Variants in MYT1L observed in about 807,000 individuals in gnomAD.
MYT1L encodes myelin transcription factor 1 like.
Under a neutral mutation model 126.7 loss-of-function variants are expected in MYT1L, and 12 were observed. The ratio of observed to expected loss-of-function variants is 0.09; its 90% CI spans 0.06 to 0.15. The LOEUF is 0.15. MYT1L is among the 10% of genes least tolerant of loss of function. MYT1L has a pLI of 1.00. For missense variants in MYT1L, 979 were observed against 1,585.2 expected (o/e 0.62, Z 6.49); for synonymous variants, 541 against 604.2 (o/e 0.90, Z 1.53).
chr2:1,833,974 C>T (rs892478645), intron 21 of MYT1L, among the ~76,000 whole-genome samples: 12 of 152,194 alleles, frequency 7.9e-5, no homozygotes, highest in Non-Finnish European at 1.3e-4. Context: ...GTCTGAGACC[C>T]GGGGCCGGGA....
At chr2:1,891,124 T>C (rs2048821242) in intron 15 of MYT1L, among the ~76,000 whole-genome samples, 2 of 151,436 alleles carry the variant, frequency 1.3e-5, no homozygotes, top group Admixed American at 6.5e-5. Flanking sequence ...GGACTAAATA[T>C]ACTGATAGAA....
chr2:2,064,068 G>T (rs913947067), intron 3 of MYT1L, among the ~76,000 whole-genome samples: 1 of 152,162 alleles, frequency 6.6e-6, no homozygotes, highest in Non-Finnish European at 1.5e-5. Context: ...TAGACACACA[G>T]GTCAGTTTGT....
chr2:1,812,983 G>A (rs1009238401), intron 21 of MYT1L, among the ~76,000 whole-genome samples: 6 of 152,038 alleles, frequency 3.9e-5, no homozygotes, highest in African/African-American at 1.4e-4. Flanking sequence ...GACTGTGACT[G>A]TAGGACAAGG....
chr2:1,958,764 G>A (rs115665797), intron 8 of MYT1L, among the ~76,000 whole-genome samples: 2,524 of 149,880 alleles, frequency 0.017, 65 homozygotes, highest in African/African-American at 0.058. Context: ...AACTGCAGAG[G>A]CCCCTTCTTC....
intron 21 of MYT1L, among the ~76,000 whole-genome samples, chr2:1,831,977 T>C (rs1360842286): frequency 1.3e-5 from 2 of 152,100 alleles, no homozygotes; most frequent in African/African-American, 4.8e-5. Flanking sequence ...TTGGTGGATA[T>C]TCCCCCTTCA....
chr2:1,867,424 G>A (rs1274868737), intron 18 of MYT1L, among the ~76,000 whole-genome samples: 1 of 152,144 alleles, frequency 6.6e-6, no homozygotes, highest in Non-Finnish European at 1.5e-5. Context: ...GTCCCTGGAG[G>A]TTGGGTTCAG....
rs1424917622 is a variant in MYT1L at position 2,286,966 on chromosome 2, CACACACAGACAA to C, written c.-520-2475_-520-2464del. ...AGGGAGACACAGATACACACAGACA[CACACACAGACAA>C]ACACACACACAGATTTCATCTAAAA... On this transcript the variant is annotated intron_variant, in intron 1 of 24. Transcript: ENST00000647738. Among the ~76,000 whole-genome samples, 5 of 152,176 alleles carry C rather than the reference CACACACAGACAA, an allele frequency of 3.3e-5. No individual in the cohort carries two copies. In the East Asian group the frequency reaches 9.6e-4, roughly 29 times the overall value.
chr2:1,872,535 T>C (rs1311909641), intron 18 of MYT1L, among the ~76,000 whole-genome samples: 3 of 152,244 alleles, frequency 2.0e-5, no homozygotes, highest in Non-Finnish European at 4.4e-5. Flanking sequence ...AATTGTACCA[T>C]ATTAGAATAA....
Position 1,930,570 on chromosome 2 carries a change from G to A in MYT1L, c.506-7307C>T, listed in dbSNP as rs943814639. ...CACACACGCCTTGCCCAGGTCCTGCGGGCAGAAGCGTCGGGGCTGCTGGGC... is the reference window on the plus strand; with the variant it reads ...CACACACGCCTTGCCCAGGTCCTGCAGGCAGAAGCGTCGGGGCTGCTGGGC... On this transcript the variant is annotated intron_variant, in intron 9 of 24. Transcript: ENST00000647738. Among the ~76,000 whole-genome samples the A allele has an allele frequency of 2.8e-4, 42 of 152,296 alleles. 1 individual carries two copies. The highest frequency in any genetic ancestry group is 2.3e-3 in the Admixed American group (35 of 15,296).
intron 4 of MYT1L, among the ~76,000 whole-genome samples, chr2:2,000,093 T>C (rs1367455815): frequency 6.6e-6 from 1 of 152,224 alleles, no homozygotes; most frequent in African/African-American, 2.4e-5. Context: ...AAGGTGGCTG[T>C]GCATGACTCC....
At chr2:2,130,900 A>G (rs2082283108) in intron 3 of MYT1L, among the ~76,000 whole-genome samples, 1 of 152,214 alleles carries the variant, frequency 6.6e-6, no homozygotes, top group Non-Finnish European at 1.5e-5. Context: ...AACCCAGGCA[A>G]GAAAAAAATC....
chr2:1,953,616 GT>G (rs1313701289), intron 8 of MYT1L, among the ~76,000 whole-genome samples: 2 of 152,160 alleles, frequency 1.3e-5, no homozygotes, highest in African/African-American at 4.8e-5. Context: ...CAATTTAGCT[GT>G]TTTCTTTTTG....
At position 1,836,949 on chromosome 2, in the gene MYT1L, A is replaced by C. The variant is rs757543382; in HGVS notation, c.3080+2200T>G. Among the ~76,000 whole-genome samples, 151 of 152,296 alleles carry C rather than the reference A, an allele frequency of 9.9e-4. 2 individuals carry two copies. The highest frequency in any genetic ancestry group is 2.3e-3 in the South Asian group (11 of 4,816). ...GAGAAAAGAAACAGGGAAGGGTGGA[A>C]ATTGAGGTGAGGCTGGCAAGAGAGT... On this transcript the variant is annotated intron_variant, in intron 21 of 24. Coordinates refer to ENST00000647738, the MANE Select transcript of MYT1L (RefSeq NM_001303052.2).
chr2:2,299,960 T>C lies in MYT1L; in HGVS notation c.-520-15457A>G, dbSNP rs1164742830. Among the ~76,000 whole-genome samples, 3 of 152,204 alleles carry C rather than the reference T, an allele frequency of 2.0e-5. No individual in the cohort carries two copies. In the East Asian group the frequency reaches 5.8e-4, roughly 29 times the overall value. On this transcript the variant is annotated intron_variant, in intron 1 of 24. Coordinates refer to ENST00000647738, the MANE Select transcript of MYT1L (RefSeq NM_001303052.2). ...CAAAGGGAAAAAAAATCAATACCAT[T>C]TGGTATATCAATGGCTTAGAAGTCA...
At chr2:2,201,746 G>T (rs1345310916) in intron 2 of MYT1L, among the ~76,000 whole-genome samples, 1 of 151,894 alleles carries the variant, frequency 6.6e-6, no homozygotes, top group Non-Finnish European at 1.5e-5. Context: ...CTTTCAAGTG[G>T]TATTTTCAGC....
chr2:2,305,174 C>T (rs2095842882), intron 1 of MYT1L, among the ~76,000 whole-genome samples: 1 of 152,174 alleles, frequency 6.6e-6, no homozygotes, highest in South Asian at 2.1e-4. Flanking sequence ...TCACAAATCT[C>T]TGCAAAGCCT....
chr2:1,830,810 C>G (rs1558683016), intron 21 of MYT1L, among the ~76,000 whole-genome samples: 1 of 116,686 alleles, frequency 8.6e-6, no homozygotes, highest in African/African-American at 4.9e-5. Context: ...CCTTCTCGCT[C>G]TGTCCTCGCC....
intron 8 of MYT1L, among the ~76,000 whole-genome samples, chr2:1,956,191 GTCTA>G (rs368487475): frequency 0.013 from 1,856 of 145,950 alleles, 57 homozygotes; most frequent in African/African-American, 0.041. Flanking sequence ...TTACCTAGCT[GTCTA>G]TCTATCTATC....
At chr2:2,088,493 C>T (rs997458613) in intron 3 of MYT1L, among the ~76,000 whole-genome samples, 11 of 152,122 alleles carry the variant, frequency 7.2e-5, no homozygotes, top group Non-Finnish European at 1.5e-4. Context: ...ACCAGTGGAT[C>T]CAGTCCTTCC....
Sources: gnomAD v4.1 joint callset for allele counts (sites outside exome capture counted in the v4.1 genomes callset) on GRCh38, gnomAD v4.1.1 for gene constraint, MANE v1.5 for transcripts, NCBI Gene and HGNC (gene_info 2026-07-23, HGNC 2026-07-21) for gene names.